Variants in LRRC36 observed in about 807,000 individuals in gnomAD.
LRRC36 encodes the protein leucine rich repeat containing 36, also known as leucine-rich repeat-containing protein 36.
In LRRC36, 62 loss-of-function variants were observed where a neutral mutation model predicts 81.1. That is an observed-to-expected ratio of 0.76 (90% CI 0.62 to 0.94). The LOEUF (loss-of-function observed/expected upper bound fraction) is 0.94. Ranked by LOEUF, LRRC36 falls within the 40% of genes least tolerant of loss-of-function variation. The pLI is 0.00. For synonymous variants in LRRC36, 334 were observed against 348.6 expected, an observed-to-expected ratio of 0.96 and a Z score of 0.47; for missense variants, 761 against 881.7, an observed-to-expected ratio of 0.86 and a Z score of 1.73.
At chr16:67,347,382 C>G (rs540829438) in intron 3 of LRRC36, 113 bp from the exon 4 acceptor site, 2 of 1,534,300 alleles carry the variant, frequency 1.3e-6, no homozygotes, top group African/African-American at 2.8e-5. Flanking sequence ...CTCTAACACA[C>G]CAAGATGAGA....
chr16:67,363,610 A>C lies in LRRC36; in HGVS notation c.598A>C (p.Ile200Leu), dbSNP rs756830733. The C allele has an allele frequency of 8.7e-6, 14 of 1,613,832 alleles. No homozygotes were observed. The East Asian group carries it at 3.1e-4, about 36-fold the overall frequency. Reference sequence around the variant, plus strand: ...CACAGACTCAAACAAAGGACTTTTTATTCCCTTCCCCAACCGGGAAATAAA... The same window carrying C: ...CACAGACTCAAACAAAGGACTTTTTCTTCCCTTCCCCAACCGGGAAATAAA... ...IEMDSNKGLF[I>L]PFPNREIKDS... The change falls in exon 6 of 14, where the codon ATT (isoleucine) becomes CTT (leucine). Residue 200 changes from isoleucine to leucine, a missense_variant. This residue lies in a region of LRRC36 where 263 missense variants were observed against 279.3 expected (regional missense o/e 0.94). Transcript: ENST00000329956.
intron 5 of LRRC36, among the ~76,000 whole-genome samples, chr16:67,359,539 A>T (rs2039053289): frequency 6.6e-6 from 1 of 152,214 alleles, no homozygotes; most frequent in Non-Finnish European, 1.5e-5. Context: ...ATATTCTAGA[A>T]TTAGATAGTG....
At chr16:67,341,031 C>T (rs1169674288) in intron 1 of LRRC36, among the ~76,000 whole-genome samples, 5 of 114,736 alleles carry the variant, frequency 4.4e-5, no homozygotes, top group Non-Finnish European at 7.1e-5. Context: ...ATGTACTCTA[C>T]ATATTCTATA....
intron 1 of LRRC36, among the ~76,000 whole-genome samples, chr16:67,328,147 G>A (rs1176255250): frequency 6.6e-6 from 1 of 151,962 alleles, no homozygotes; most frequent in Non-Finnish European, 1.5e-5. Flanking sequence ...GTAGAGGGGG[G>A]AAATATGTAA....
In LRRC36 at chr16:67,374,908, G is replaced by A. The variant is rs149709071; in HGVS notation, c.1495-339G>A. ...ACACTTTGGGAAGCTGAGGCGGGAC[G>A]ATCACAAGGTCAGGAGTTGGAGACC... On this transcript the variant is annotated intron_variant, in intron 9 of 13. Transcript: ENST00000329956. Among the ~76,000 whole-genome samples the A allele has an allele frequency of 2.4e-3, 370 of 151,748 alleles. 16 individuals are homozygous for A. In the East Asian group the frequency reaches 0.064, roughly 26 times the overall value.
rs201960894 is a variant in LRRC36 at position 67,375,412 on chromosome 16, G to C, written c.1660G>C (p.Gly554Arg). 3 of 1,576,018 alleles carry C rather than the reference G, an allele frequency of 1.9e-6. No individual in the cohort carries two copies. The highest frequency in any genetic ancestry group is 2.3e-5 in the South Asian group (2 of 86,856). ...GSLLLNKKFLGPARDLLLSLV... is the reference protein window; with the variant it reads ...GSLLLNKKFLRPARDLLLSLV... The stretch of plus-strand genomic sequence containing the variant: ...CCTCCTCCTCAACAAGAAGTTTCTC[G>C]GTGAGTGAATGCATTCTCTGTCCTT... The change falls in exon 10 of 14, where the codon GGT becomes CGT. Residue 554 changes from glycine (G) to arginine (R), a missense_variant and splice_region_variant. Physicochemically the swap from Gly to Arg is moderately radical, Grantham distance 125. This residue lies in a region of LRRC36 where 359 missense variants were observed against 388.4 expected (regional missense o/e 0.92). Coordinates refer to ENST00000329956, the MANE Select transcript of LRRC36 (RefSeq NM_018296.6).
chr16:67,376,664 A>G, intron 10 of LRRC36, 63 bp from the exon 11 acceptor site: 3 of 1,537,330 alleles, frequency 2.0e-6, no homozygotes, highest in Non-Finnish European at 2.7e-6. Context: ...GTAGTTACTG[A>G]CTAGGAATGC....
intron 7 of LRRC36, among the ~76,000 whole-genome samples, chr16:67,366,715 A>C (rs1379861715): frequency 2.0e-5 from 3 of 151,502 alleles, no homozygotes; most frequent in East Asian, 1.9e-4. Context: ...GCGCCACTGC[A>C]CTCCAGCCTG....
In LRRC36 at chr16:67,367,523, A is replaced by G. The variant is rs528659271; in HGVS notation, c.1195+66A>G. The G allele has an allele frequency of 2.1e-6, 3 of 1,426,252 alleles. No individual in the cohort carries two copies. The East Asian group carries it at 6.9e-5, about 33-fold the overall frequency. The allele number at this position is 1,426,252 out of a possible 1,614,324, so 88.3% of individuals were successfully genotyped here. A position where few individuals can be genotyped will look rare whatever the true frequency, so the allele number is the denominator to read the frequency against. On this transcript the variant is annotated intron_variant, in intron 8 of 13. Transcript: ENST00000329956. ...ATGAAGATAGAAGATATAAGTGAAA[A>G]TTTTGGAATTAACCCTTCTGAAATT...
At chr16:67,354,042 T>A (rs1304798797) in intron 5 of LRRC36, among the ~76,000 whole-genome samples, 1 of 152,202 alleles carries the variant, frequency 6.6e-6, no homozygotes, top group Non-Finnish European at 1.5e-5. Context: ...ACTTGGTGTA[T>A]AAGACTCCCC....
At chr16:67,378,380 C>T (rs1025456862) in intron 11 of LRRC36, among the ~76,000 whole-genome samples, 19 of 151,670 alleles carry the variant, frequency 1.3e-4, no homozygotes, top group Admixed American at 2.6e-4. Flanking sequence ...GCTGGGGTTA[C>T]GGGTGCACAC....
intron 6 of LRRC36, 40 bp from the exon 7 acceptor site, chr16:67,365,264 C>T: frequency 1.4e-6 from 2 of 1,408,020 alleles, no homozygotes; most frequent in Non-Finnish European, 1.0e-6. Context: ...TTTGAACGCG[C>T]ATGGACTTCC....
At chr16:67,341,842 T>C (rs2038099090) in intron 1 of LRRC36, 115 bp from the exon 2 acceptor site, 1 of 649,454 alleles carries the variant, frequency 1.5e-6, no homozygotes, top group Non-Finnish European at 2.5e-6. Flanking sequence ...CTTATGAGGC[T>C]TGGATGTAGG....
chr16:67,338,045 T>C (rs1403273239), intron 1 of LRRC36, among the ~76,000 whole-genome samples: 1 of 151,724 alleles, frequency 6.6e-6, no homozygotes, highest in East Asian at 1.9e-4. Context: ...GATGGCACCA[T>C]TGCAGTCCAG....
chr16:67,363,674 CACG>C lies in LRRC36; in HGVS notation c.663_665del (p.Arg222del). ...ACTTCTGCAACTCAGGGCAATGGTACACGTGATCAGAAATTAGACACCTTCCCA... is the reference window on the plus strand; with the variant it reads ...ACTTCTGCAACTCAGGGCAATGGTACTGATCAGAAATTAGACACCTTCCCA... On this transcript the variant is annotated inframe_deletion, in exon 6 of 14. Transcript: ENST00000329956. 3 of 1,613,872 alleles carry C rather than the reference CACG, an allele frequency of 1.9e-6. No homozygotes were observed. Among genetic ancestry groups the C allele is most frequent in the Non-Finnish European group, 2.5e-6 (3 of 1,179,778 alleles).
chr16:67,362,960 T>G (rs2039225478), intron 5 of LRRC36, among the ~76,000 whole-genome samples: 1 of 152,092 alleles, frequency 6.6e-6, no homozygotes, highest in South Asian at 2.1e-4. Context: ...TTTTTGTATT[T>G]TTAGTAGAGA....
intron 1 of LRRC36, among the ~76,000 whole-genome samples, chr16:67,339,004 TCTGCCTCAGCCTC>T (rs1016479453): frequency 8.0e-5 from 12 of 149,532 alleles, no homozygotes; most frequent in Non-Finnish European, 1.2e-4. Context: ...AAGCAATTCT[TCTGCCTCAGCCTC>T]CTGAGTAGCT....
rs1196527779 is a variant in LRRC36 at position 67,333,459 on chromosome 16, C to CA, written c.70+6528dup. On this transcript the variant is annotated intron_variant, in intron 1 of 13. Coordinates refer to ENST00000329956, the MANE Select transcript of LRRC36 (RefSeq NM_018296.6). ...ATTTAAAAAATATACAATTCAGGGT[C>CA]ATTTTGTACATTTACAATGTTGTGC... Among the ~76,000 whole-genome samples, 3 of 152,200 alleles carry CA rather than the reference C, an allele frequency of 2.0e-5. No individual in the cohort carries two copies. The East Asian group carries it at 5.8e-4, about 29-fold the overall frequency.
chr16:67,378,057 T>C (rs191781219), intron 11 of LRRC36, among the ~76,000 whole-genome samples: 14 of 152,334 alleles, frequency 9.2e-5, no homozygotes, highest in African/African-American at 2.9e-4. Flanking sequence ...GCAAGAGTAG[T>C]AGATAACTCA....
Sources: allele counts gnomAD v4.1 joint callset (sites outside exome capture counted in the v4.1 genomes callset), GRCh38; gene constraint gnomAD v4.1.1; regional missense constraint gnomAD v4.1.1; transcripts MANE v1.5; gene names NCBI Gene and HGNC (gene_info 2026-07-23, HGNC 2026-07-21).